HECTD4: variants seen among roughly 807,000 people sequenced by gnomAD.
The protein encoded by HECTD4 is probable E3 ubiquitin-protein ligase HECTD4.
In HECTD4, 114 loss-of-function variants were observed where a neutral mutation model predicts 471.5. That is an observed-to-expected ratio of 0.24 (90% confidence interval 0.21 to 0.28). The LOEUF (loss-of-function observed/expected upper bound fraction) is 0.28. Among genes scored for constraint, HECTD4 ranks in the 10% least tolerant of loss-of-function variants. HECTD4 has a pLI of 1.00. For missense variants in HECTD4, 3,866 were observed against 5,651.5 expected (o/e 0.68, Z 10.13); for synonymous variants, 2,012 against 2,256.0 (o/e 0.89, Z 3.07).
chr12:112,169,726 G>A (rs868673523), intron 69 of HECTD4, 68 bp from the exon 70 acceptor site: 2 of 1,582,706 alleles, frequency 1.3e-6, no homozygotes, highest in Non-Finnish European at 1.7e-6. Context: ...CTTGAGGACA[G>A]ACCCTGGGCC....
chr12:112,321,883 T>TA (rs2035591103), intron 1 of HECTD4: 1 of 150,906 alleles, frequency 6.6e-6, no homozygotes, highest in South Asian at 2.1e-4. Flanking sequence ...AACTTATAAT[T>TA]AGACAACAAG....
intron 7 of HECTD4, among the ~76,000 whole-genome samples, chr12:112,305,027 G>A (rs534113748): frequency 3.3e-5 from 5 of 152,088 alleles, no homozygotes; most frequent in Non-Finnish European, 7.4e-5. Flanking sequence ...ACCTGGCTTG[G>A]GGCAATTTGT....
chr12:112,286,115 T>C (rs566842847), intron 7 of HECTD4, among the ~76,000 whole-genome samples: 1 of 152,304 alleles, frequency 6.6e-6, no homozygotes, highest in Non-Finnish European at 1.5e-5. Flanking sequence ...GTGATACAAG[T>C]AGGGCTGAAG....
At chr12:112,378,004 T>A (rs937479647) in intron 1 of HECTD4, among the ~76,000 whole-genome samples, 1 of 152,246 alleles carries the variant, frequency 6.6e-6, no homozygotes, top group East Asian at 1.9e-4. Flanking sequence ...TTTCTTTAGA[T>A]TGACTTTGAG....
intron 17 of HECTD4, 58 bp downstream of exon 17, chr12:112,264,026 A>G (rs1159842426): frequency 6.8e-7 from 1 of 1,479,826 alleles, no homozygotes; most frequent in Non-Finnish European, 9.0e-7. Flanking sequence ...AATTTAGCCA[A>G]TTAAGCTGCT....
rs1180506107 is a variant in HECTD4 at position 112,238,482 on chromosome 12, C to T, written c.5290+570G>A. Among the ~76,000 whole-genome samples, 14 of 152,268 alleles carry T rather than the reference C, an allele frequency of 9.2e-5. No individual in the cohort carries two copies. The East Asian group carries it at 9.6e-4, about 10-fold the overall frequency. On this transcript the variant is annotated intron_variant, in intron 34 of 75. Coordinates refer to ENST00000682272, the MANE Select transcript of HECTD4 (RefSeq NM_001388303.1). Reference sequence around the variant, plus strand: ...TTCAAAAAATATTTGTTTTTTTGAACGCCAAGGCGCGAGGACTGCTTGAGG... The same window carrying T: ...TTCAAAAAATATTTGTTTTTTTGAATGCCAAGGCGCGAGGACTGCTTGAGG...
At position 112,314,313 on chromosome 12, in the gene HECTD4, C is replaced by A. The variant is rs370330639; in HGVS notation, c.785+144G>T. The A allele has an allele frequency of 2.8e-5, 13 of 456,146 alleles. 1 individual carries two copies. The South Asian group carries it at 6.6e-4, about 23-fold the overall frequency. 28.3% of individuals were successfully genotyped at this position (456,146 alleles called of 1,614,324 possible). ...AAAAGGAAAGATAAAAAATAAAATTCTTAAGAAGGTAAATATGAGTCTATA... is the reference window on the plus strand; with the variant it reads ...AAAAGGAAAGATAAAAAATAAAATTATTAAGAAGGTAAATATGAGTCTATA... On this transcript the variant is annotated intron_variant, in intron 3 of 75. Coordinates refer to ENST00000682272, the MANE Select transcript of HECTD4 (RefSeq NM_001388303.1).
intron 18 of HECTD4, among the ~76,000 whole-genome samples, chr12:112,259,986 TACCATCTTA>T (rs961185349): frequency 4.6e-5 from 7 of 152,208 alleles, no homozygotes; most frequent in Admixed American, 3.3e-4. Flanking sequence ...GCACAAAATT[TACCATCTTA>T]ACCATTTTAA....
intron 7 of HECTD4, among the ~76,000 whole-genome samples, chr12:112,299,116 G>A (rs1159102405): frequency 1.3e-5 from 2 of 152,078 alleles, no homozygotes; most frequent in Non-Finnish European, 2.9e-5. Flanking sequence ...AAAGAGAATA[G>A]TACAATGAGC....
At chr12:112,366,256 C>T (rs2036555656) in intron 1 of HECTD4, among the ~76,000 whole-genome samples, 1 of 152,046 alleles carries the variant, frequency 6.6e-6, no homozygotes, top group Admixed American at 6.6e-5. Flanking sequence ...ACATCTAATC[C>T]CAGCACTTTG....
At chr12:112,164,303 A>G (rs750502782) in intron 72 of HECTD4, 28 bp from the exon 73 acceptor site, 1 of 1,598,740 alleles carries the variant, frequency 6.3e-7, no homozygotes, top group African/African-American at 1.3e-5. Context: ...AGCGAGGCTC[A>G]TTATGAGGCC....
chr12:112,163,625 G>A lies in HECTD4; in HGVS notation c.12814C>T (p.Leu4272=). The change falls in exon 74 of 76, where the codon CTG becomes TTG. Residue 4272 remains leucine (L), a synonymous_variant. Coordinates refer to ENST00000682272, the MANE Select transcript of HECTD4 (RefSeq NM_001388303.1). The surrounding 1 kb of genome is among the most constrained non-coding windows in gnomAD (Gnocchi z 8.2). ...GGGCTGAGCATGGTCAGCAGCTGCA[G>A]GGGGATGATGGAGCCCAGGCCGGCC... ...VRAGLGSIIP[L]QLLTMLSPLE... 2 of 1,541,310 alleles carry A rather than the reference G, an allele frequency of 1.3e-6. No individual in the cohort carries two copies. The highest frequency in any genetic ancestry group is 1.7e-6 in the Non-Finnish European group (2 of 1,143,364).
intron 1 of HECTD4, among the ~76,000 whole-genome samples, chr12:112,355,215 C>T (rs1200393281): frequency 6.7e-6 from 1 of 148,640 alleles, no homozygotes; most frequent in Non-Finnish European, 1.5e-5. Flanking sequence ...CTCCTGACTT[C>T]AGGCCCGCCT....
chr12:112,298,986 C>CA (rs1566103811), intron 7 of HECTD4, among the ~76,000 whole-genome samples: 1 of 151,942 alleles, frequency 6.6e-6, no homozygotes, highest in Admixed American at 6.6e-5. Context: ...GTACCATAGG[C>CA]AGTAAGCCAG....
At position 112,308,786 on chromosome 12, in the gene HECTD4, G is replaced by A; in HGVS notation, c.1131C>T (p.Ser377=). ...RPVSFDNKPH[S]LFQVIDQNTL... ...TGTTCTGGTCAATGACCTGGAAAAG[G>A]GAGTGAGGTTTATTATCGAAAGAGA... The change falls in exon 6 of 76, where the codon TCC becomes TCT. Residue 377 remains serine, a synonymous_variant. Coordinates refer to ENST00000682272, the MANE Select transcript of HECTD4 (RefSeq NM_001388303.1). 6.5e-7 allele frequency: 1 copy of A among 1,536,004 alleles called. No individual in the cohort carries two copies. The highest frequency in any genetic ancestry group is 8.7e-7 in the Non-Finnish European group (1 of 1,146,848).
chr12:112,273,592 C>A, intron 11 of HECTD4, 63 bp downstream of exon 11: 1 of 1,491,008 alleles, frequency 6.7e-7, no homozygotes, highest in Non-Finnish European at 9.3e-7. Flanking sequence ...CCTACTAATG[C>A]TGTGGTATTC....
chr12:112,223,616 C>T (rs138772587), intron 44 of HECTD4, among the ~76,000 whole-genome samples: 19 of 152,278 alleles, frequency 1.2e-4, no homozygotes, highest in African/African-American at 4.6e-4. Flanking sequence ...GACAGGGCTT[C>T]ACCATATTGG....
intron 1 of HECTD4, among the ~76,000 whole-genome samples, chr12:112,335,814 T>C (rs1276911609): frequency 1.3e-5 from 2 of 151,980 alleles, no homozygotes; most frequent in Non-Finnish European, 1.5e-5. Context: ...CAATAACCTA[T>C]GGAAATAAAA....
Position 112,250,958 on chromosome 12 carries a change from A to G in HECTD4, c.3716+13T>C. Reference sequence around the variant, plus strand: ...TGCAGGCAACACTAGCTCAATTTCAACCTTTTTGTTACCTTTGTAAAAGTT... The same window carrying G: ...TGCAGGCAACACTAGCTCAATTTCAGCCTTTTTGTTACCTTTGTAAAAGTT... On this transcript the variant is annotated intron_variant, in intron 24 of 75. Coordinates refer to ENST00000682272, the MANE Select transcript of HECTD4 (RefSeq NM_001388303.1). 6.2e-7 allele frequency: 1 copy of G among 1,600,576 alleles called. No individual in the cohort carries two copies. The highest frequency in any genetic ancestry group is 8.5e-7 in the Non-Finnish European group (1 of 1,173,902).
Sources: allele counts gnomAD v4.1 joint callset (sites outside exome capture counted in the v4.1 genomes callset), GRCh38; gene constraint gnomAD v4.1.1; non-coding constraint Gnocchi (gnomAD v3.1); transcripts MANE v1.5; gene names NCBI Gene and HGNC (gene_info 2026-07-23, HGNC 2026-07-21).